Variants in SH3GL2 observed in about 807,000 individuals in gnomAD.
SH3GL2 encodes SH3 domain containing GRB2 like 2, endophilin A1.
A neutral mutation model predicts 46.0 loss-of-function variants in SH3GL2; 24 were observed. That is an observed-to-expected ratio of 0.52 (90% CI 0.38 to 0.73). SH3GL2 has a LOEUF of 0.73. SH3GL2 is among the 30% of genes least tolerant of loss of function. The probability of loss-of-function intolerance (pLI) is 0.00; values close to 1 mark genes in which losing one functional copy is unlikely to be tolerated. For synonymous variants in SH3GL2, 196 were observed against 147.1 expected, an observed-to-expected ratio of 1.33 and a Z score of -2.40; for missense variants, 413 against 424.2, an observed-to-expected ratio of 0.97 and a Z score of 0.23.
At chr9:17,776,928 G>A (rs1402162776) in intron 3 of SH3GL2, among the ~76,000 whole-genome samples, 2 of 152,146 alleles carry the variant, frequency 1.3e-5, no homozygotes, top group African/African-American at 4.8e-5. Flanking sequence ...GCTCCCCTGA[G>A]CAGTGCTGGC....
intron 7 of SH3GL2, among the ~76,000 whole-genome samples, chr9:17,793,122 ATG>A (rs1242898421): frequency 6.6e-6 from 1 of 152,194 alleles, no homozygotes; most frequent in African/African-American, 2.4e-5. Flanking sequence ...CTCTGAATAA[ATG>A]AGAGAGGAAG....
chr9:17,693,125 A>G (rs868502461), intron 1 of SH3GL2, among the ~76,000 whole-genome samples: 1 of 152,182 alleles, frequency 6.6e-6, no homozygotes, highest in African/African-American at 2.4e-5. Context: ...TGTCCATTGA[A>G]AATAAAACTT....
At chr9:17,688,669 A>T (rs1479148526) in intron 1 of SH3GL2, among the ~76,000 whole-genome samples, 4 of 152,072 alleles carry the variant, frequency 2.6e-5, no homozygotes, top group Non-Finnish European at 4.4e-5. Context: ...AAAACTCCAG[A>T]GAACATGCTG....
At chr9:17,746,862 A>G (rs1387474030) in intron 1 of SH3GL2, among the ~76,000 whole-genome samples, 1 of 152,232 alleles carries the variant, frequency 6.6e-6, no homozygotes, top group African/African-American at 2.4e-5. Flanking sequence ...GCTTGCTTCT[A>G]TACCCACCAG....
intron 1 of SH3GL2, among the ~76,000 whole-genome samples, chr9:17,714,971 G>A (rs1438486496): frequency 1.3e-5 from 2 of 151,596 alleles, no homozygotes; most frequent in Non-Finnish European, 3.0e-5. Context: ...TGTTGCCTGT[G>A]TTTTTGGAAG....
At chr9:17,589,584 A>T (rs1404272436) in intron 1 of SH3GL2, 1 of 152,180 alleles carries the variant, frequency 6.6e-6, no homozygotes, top group Non-Finnish European at 1.5e-5. Flanking sequence ...CTGAATTCTT[A>T]GTCTCTGACA....
Position 17,787,578 on chromosome 9 carries a change from C to G in SH3GL2, c.465+65C>G. On this transcript the variant is annotated intron_variant, in intron 5 of 8. Coordinates refer to ENST00000380607, the MANE Select transcript of SH3GL2 (RefSeq NM_003026.5). ...TCATACAGATGCAGATGCCTTTTTTCTTTAGAAAACATTTTTTTAGCTTAC... is the reference window on the plus strand; with the variant it reads ...TCATACAGATGCAGATGCCTTTTTTGTTTAGAAAACATTTTTTTAGCTTAC... 2.2e-6 allele frequency: 3 copies of G among 1,363,840 alleles called. No individual in the cohort carries two copies. In the Admixed American group the frequency reaches 5.5e-5, roughly 25 times the overall value. The allele number at this position is 1,363,840 out of a possible 1,614,324, so 84.5% of individuals were successfully genotyped here.
chr9:17,595,173 G>C (rs1354714696), intron 1 of SH3GL2, among the ~76,000 whole-genome samples: 1 of 152,120 alleles, frequency 6.6e-6, no homozygotes, highest in East Asian at 1.9e-4. Flanking sequence ...ACACCACCTG[G>C]TTTCAGAGCC....
At position 17,793,218 on chromosome 9, in the gene SH3GL2, A is replaced by G. The variant is rs1049343835; in HGVS notation, c.729-149A>G. 6 of 673,638 alleles carry G rather than the reference A, an allele frequency of 8.9e-6. No homozygotes were observed. The African/African-American group carries it at 1.1e-4, about 12-fold the overall frequency. The allele number at this position is 673,638 out of a possible 1,614,324, so 41.7% of individuals were successfully genotyped here. On this transcript the variant is annotated intron_variant, in intron 7 of 8. Transcript: ENST00000380607. ...CCAAAATCTCAGACATATACATACA[A>G]GAAAACTAAGGGTCCTTTTTTGATT...
chr9:17,745,276 A>G (rs1822649502), intron 1 of SH3GL2, among the ~76,000 whole-genome samples: 1 of 152,186 alleles, frequency 6.6e-6, no homozygotes, highest in South Asian at 2.1e-4. Flanking sequence ...GTCAAGGAAA[A>G]TTGCCAGCTT....
In SH3GL2 at chr9:17,791,233, T is replaced by A; in HGVS notation, c.627T>A (p.Ile209=). ...ATGATTTTCCCATCAATCTGCAGAT[T>A]GAACAAGTGAGCCAGCTCTCTGCAC... ...SSMFNLLEMD[I]EQVSQLSALV... The change falls in exon 7 of 9, where the codon ATT becomes ATA. Residue 209 remains isoleucine (I), a splice_region_variant and synonymous_variant. Transcript: ENST00000380607. 1.9e-6 allele frequency: 3 copies of A among 1,611,732 alleles called. No homozygotes were observed. Among genetic ancestry groups the A allele is most frequent in the Non-Finnish European group, 2.5e-6 (3 of 1,177,902 alleles).
chr9:17,766,860 T>C (rs1387103981), intron 3 of SH3GL2, among the ~76,000 whole-genome samples: 1 of 152,218 alleles, frequency 6.6e-6, no homozygotes, highest in Non-Finnish European at 1.5e-5. Flanking sequence ...CTTGGTTTTA[T>C]GTTTTATCAG....
At chr9:17,691,026 A>G (rs2118128304) in intron 1 of SH3GL2, among the ~76,000 whole-genome samples, 1 of 152,292 alleles carries the variant, frequency 6.6e-6, no homozygotes, top group East Asian at 1.9e-4. Flanking sequence ...AGTGGAGAAA[A>G]GGGCATGCTT....
intron 1 of SH3GL2, among the ~76,000 whole-genome samples, chr9:17,674,419 A>G (rs1820554541): frequency 6.6e-6 from 1 of 152,038 alleles, no homozygotes; most frequent in South Asian, 2.1e-4. Context: ...GGTGTGGCCC[A>G]CCATGCCTGG....
In SH3GL2 at chr9:17,795,552, A is replaced by G. The variant is rs370568983; in HGVS notation, c.868A>G (p.Met290Val). Residue 290 changes from methionine to valine, a missense_variant, in exon 9 of 9, where the codon ATG becomes GTG. Met to Val is a conservative substitution (Grantham distance 21). This residue lies in a region of SH3GL2 where 248 missense variants were observed against 215.0 expected (regional missense o/e 1.15). Coordinates refer to ENST00000380607, the MANE Select transcript of SH3GL2 (RefSeq NM_003026.5). The part of the protein sequence containing the change: ...TGTPKPSGVQ[M>V]DQPCCRALYD... ...CCTGCTCTTACTCCCAGGTGTCCAA[A>G]TGGATCAGCCCTGCTGCCGAGCTCT... 5.9e-5 allele frequency: 95 copies of G among 1,613,638 alleles called. No individual in the cohort carries two copies. The highest frequency in any genetic ancestry group is 6.1e-5 in the Non-Finnish European group (72 of 1,179,768).
At chr9:17,784,444 T>C (rs1008070499) in intron 3 of SH3GL2, among the ~76,000 whole-genome samples, 1 of 152,216 alleles carries the variant, frequency 6.6e-6, no homozygotes, top group African/African-American at 2.4e-5. Context: ...TTCATTACTC[T>C]GTTTCTCCTT....
chr9:17,682,917 A>T (rs539028716), intron 1 of SH3GL2, among the ~76,000 whole-genome samples: 4 of 152,204 alleles, frequency 2.6e-5, no homozygotes, highest in African/African-American at 9.6e-5. Context: ...CCTTCTGTGA[A>T]CATGCTTCTG....
intron 1 of SH3GL2, among the ~76,000 whole-genome samples, chr9:17,622,581 C>G (rs151110937): frequency 1.3e-5 from 2 of 152,128 alleles, no homozygotes; most frequent in East Asian, 1.9e-4. Context: ...TTTAATACCT[C>G]TACAAAGACC....
intron 2 of SH3GL2, among the ~76,000 whole-genome samples, chr9:17,750,497 T>C (rs182436255): frequency 7.9e-5 from 12 of 152,286 alleles, no homozygotes; most frequent in Admixed American, 3.3e-4. Context: ...CCTGAGCTGA[T>C]TGGATAGAAT....
Sources: gnomAD v4.1 joint callset for allele counts (sites outside exome capture counted in the v4.1 genomes callset) on GRCh38, gnomAD v4.1.1 for gene constraint, gnomAD v4.1.1 regional missense constraint, MANE v1.5 for transcripts, NCBI Gene and HGNC (gene_info 2026-07-23, HGNC 2026-07-21) for gene names.